Variants in CACNB4 observed in about 807,000 individuals in gnomAD.
CACNB4 encodes calcium voltage-gated channel auxiliary subunit beta 4.
A neutral mutation model predicts 71.2 loss-of-function variants in CACNB4; 32 were observed. The observed-to-expected ratio is 0.45, with a 90% confidence interval of 0.34 to 0.60. CACNB4 has a LOEUF of 0.60. Among genes scored for constraint, CACNB4 ranks in the 20% least tolerant of loss-of-function variants. CACNB4 has a pLI of 0.01. For missense variants in CACNB4, 464 were observed against 647.9 expected, an observed-to-expected ratio of 0.72 and a Z score of 3.08; for synonymous variants, 231 against 236.9, an observed-to-expected ratio of 0.97 and a Z score of 0.23.
chr2:151,982,269 T>C (rs2099874848), intron 2 of CACNB4, among the ~76,000 whole-genome samples: 1 of 152,064 alleles, frequency 6.6e-6, no homozygotes, highest in South Asian at 2.1e-4. Context: ...CAACTAGATG[T>C]GACTGTGTTC....
At chr2:151,952,185 C>T (rs141729627) in intron 2 of CACNB4, among the ~76,000 whole-genome samples, 41 of 152,040 alleles carry the variant, frequency 2.7e-4, no homozygotes, top group Admixed American at 1.0e-3. Context: ...GAGTAAACAA[C>T]GATCTAAACC....
At chr2:152,069,746 A>G (rs1387458778) in intron 2 of CACNB4, among the ~76,000 whole-genome samples, 5 of 151,710 alleles carry the variant, frequency 3.3e-5, no homozygotes, top group Admixed American at 1.3e-4. Context: ...CAGGCACTCC[A>G]GGTCTGCTTA....
intron 2 of CACNB4, among the ~76,000 whole-genome samples, chr2:151,904,810 C>T (rs2099854379): frequency 1.3e-5 from 2 of 152,182 alleles, no homozygotes; most frequent in Admixed American, 6.5e-5. Flanking sequence ...GCTGGGATTA[C>T]AGGCAGGAGT....
intron 12 of CACNB4, among the ~76,000 whole-genome samples, chr2:151,849,043 C>G: frequency 6.6e-6 from 1 of 152,138 alleles, no homozygotes; most frequent in East Asian, 1.9e-4. Context: ...TCCTGTTCCC[C>G]TAGGTCCCCT....
intron 2 of CACNB4, among the ~76,000 whole-genome samples, chr2:152,056,223 A>G (rs921442352): frequency 6.6e-6 from 1 of 151,910 alleles, no homozygotes; most frequent in African/African-American, 2.4e-5. Flanking sequence ...TTAGCCAGGC[A>G]TGGTGGCAGG....
chr2:151,923,094 T>C (rs902249385), intron 2 of CACNB4, among the ~76,000 whole-genome samples: 2 of 152,242 alleles, frequency 1.3e-5, no homozygotes, highest in African/African-American at 4.8e-5. Context: ...GGTGGAACCA[T>C]GGTGAAATGG....
intron 2 of CACNB4, among the ~76,000 whole-genome samples, chr2:152,029,675 C>T (rs1326476135): frequency 6.6e-6 from 1 of 151,990 alleles, no homozygotes; most frequent in East Asian, 1.9e-4. Context: ...CTAACCCCCA[C>T]GGTGATGGTA....
At chr2:151,920,942 T>C (rs968673827) in intron 2 of CACNB4, among the ~76,000 whole-genome samples, 1 of 151,870 alleles carries the variant, frequency 6.6e-6, no homozygotes, top group Non-Finnish European at 1.5e-5. Flanking sequence ...ATCAAGACCA[T>C]CCTGGCTAAC....
chr2:152,059,904 A>T (rs1000345741), intron 2 of CACNB4, among the ~76,000 whole-genome samples: 3 of 152,164 alleles, frequency 2.0e-5, no homozygotes, highest in African/African-American at 7.2e-5. Context: ...TGCTGTTCTC[A>T]TGATAGTGAG....
At chr2:151,862,188 A>G (rs1045335148) in intron 9 of CACNB4, among the ~76,000 whole-genome samples, 3 of 152,208 alleles carry the variant, frequency 2.0e-5, no homozygotes, top group African/African-American at 7.2e-5. Context: ...GGAGGGTAGA[A>G]TTATCAATTA....
intron 2 of CACNB4, among the ~76,000 whole-genome samples, chr2:151,992,617 G>A (rs1033994407): frequency 6.6e-6 from 1 of 152,190 alleles, no homozygotes; most frequent in African/African-American, 2.4e-5. Context: ...ATGTCATTAT[G>A]ACAGTTGCTG....
intron 2 of CACNB4, among the ~76,000 whole-genome samples, chr2:152,088,645 C>G (rs1192824051): frequency 6.6e-6 from 1 of 152,176 alleles, no homozygotes; most frequent in East Asian, 1.9e-4. Flanking sequence ...GATTTGTCAT[C>G]CAAATGATTA....
intron 2 of CACNB4, among the ~76,000 whole-genome samples, chr2:151,959,857 AG>A (rs1298359129): frequency 6.6e-6 from 1 of 152,206 alleles, no homozygotes; most frequent in Non-Finnish European, 1.5e-5. Flanking sequence ...TAATTTGCAT[AG>A]TTCTTTATAT....
chr2:151,891,072 A>C (rs992669872), intron 2 of CACNB4, among the ~76,000 whole-genome samples: 1 of 152,226 alleles, frequency 6.6e-6, no homozygotes, highest in African/African-American at 2.4e-5. Context: ...TCATAAATGG[A>C]ATACAAATTA....
At chr2:151,921,142 TAAATAAATAAATA>T (rs2099858892) in intron 2 of CACNB4, among the ~76,000 whole-genome samples, 1 of 11,698 alleles carries the variant, frequency 8.5e-5, no homozygotes, top group African/African-American at 1.1e-4. Context: ...GTCTCAAAAA[TAAATAAATAAATA>T]AATAAATAAA....
chr2:152,098,278 C>A lies in CACNB4; in HGVS notation c.147+52G>T. On this transcript the variant is annotated intron_variant, in intron 2 of 13. Transcript: ENST00000539935. This position sits in a 1 kb window ranked among gnomAD's most constrained non-coding sequence, Gnocchi z 5.3. The stretch of plus-strand genomic sequence containing the variant: ...GCCACGGCCGGCTCCAGGACCCCCG[C>A]GCCGCGCGCTCGGCCTCCTCCCCAT... The A allele has an allele frequency of 1.4e-6, 2 of 1,458,356 alleles. No individual in the cohort carries two copies. Among genetic ancestry groups the A allele is most frequent in the South Asian group, 1.1e-5 (1 of 87,878 alleles). The allele number at this position is 1,458,356 out of a possible 1,614,324, so 90.3% of individuals were successfully genotyped here. A position where few individuals can be genotyped will look rare whatever the true frequency, so the allele number is the denominator to read the frequency against.
intron 8 of CACNB4, 67 bp from the exon 9 acceptor site, chr2:151,869,302 G>C: frequency 2.2e-6 from 2 of 928,374 alleles, no homozygotes; most frequent in Non-Finnish European, 3.4e-6. Context: ...AGTCAAAAGG[G>C]AGAGAGGAGG....
intron 2 of CACNB4, among the ~76,000 whole-genome samples, chr2:151,887,647 G>C (rs2099849689): frequency 6.6e-6 from 1 of 152,202 alleles, no homozygotes; most frequent in African/African-American, 2.4e-5. Context: ...AGCCATGGCT[G>C]TTGGATCCAG....
intron 2 of CACNB4, among the ~76,000 whole-genome samples, chr2:151,920,949 T>G (rs978751657): frequency 2.6e-5 from 4 of 151,828 alleles, no homozygotes; most frequent in East Asian, 3.9e-4. Flanking sequence ...CCATCCTGGC[T>G]AACACAGTGA....
Sources: allele counts gnomAD v4.1 joint callset (sites outside exome capture counted in the v4.1 genomes callset), GRCh38; gene constraint gnomAD v4.1.1; non-coding constraint Gnocchi (gnomAD v3.1); transcripts MANE v1.5; gene names NCBI Gene and HGNC (gene_info 2026-07-23, HGNC 2026-07-21).